Variants in RABGAP1 observed in about 807,000 individuals in gnomAD.
RABGAP1 encodes rab GTPase-activating protein 1.
RABGAP1 carries 23 observed loss-of-function variants against 137.6 expected under a neutral mutation model. That is an observed-to-expected ratio of 0.17 (90% CI 0.12 to 0.24). RABGAP1 has a LOEUF of 0.24. Among genes scored for constraint, RABGAP1 ranks in the 10% least tolerant of loss-of-function variants. RABGAP1 has a pLI of 1.00. For missense variants in RABGAP1, 906 were observed against 1,275.8 expected (o/e 0.71, Z 4.42); for synonymous variants, 451 against 450.7 (o/e 1.00, Z -0.01).
At chr9:122,962,502 CAG>C (rs1834903904) in intron 2 of RABGAP1, among the ~76,000 whole-genome samples, 1 of 151,352 alleles carries the variant, frequency 6.6e-6, no homozygotes, top group African/African-American at 2.4e-5. Flanking sequence ...GCCCAAGTGA[CAG>C]AGTGAGACTC....
At chr9:122,961,003 A>G (rs927829190) in intron 2 of RABGAP1, among the ~76,000 whole-genome samples, 6 of 152,176 alleles carry the variant, frequency 3.9e-5, no homozygotes, top group African/African-American at 1.2e-4. Context: ...CAATGTAGAA[A>G]AAAACAGGCT....
Position 123,070,210 on chromosome 9 carries a change from G to A in RABGAP1, c.1909-140G>A, listed in dbSNP as rs895929427. ...AAGTTAAGATTGGAGAGAAGTATTG[G>A]CACCACTTACTGTCTGTCAAAATGC... is the stretch of plus-strand genomic sequence containing the variant. On this transcript the variant is annotated intron_variant, in intron 14 of 25. Coordinates refer to ENST00000373647, the MANE Select transcript of RABGAP1 (RefSeq NM_012197.4). The surrounding 1 kb of genome is among the most constrained non-coding windows in gnomAD (Gnocchi z 4.4). 7 of 1,431,328 alleles carry A rather than the reference G, an allele frequency of 4.9e-6. No homozygotes were observed. Among genetic ancestry groups the A allele is most frequent in the Non-Finnish European group, 5.5e-6 (6 of 1,081,482 alleles). 88.7% of individuals were successfully genotyped at this position (1,431,328 alleles called of 1,614,324 possible). A position where few individuals can be genotyped will look rare whatever the true frequency, so the allele number is the denominator to read the frequency against.
At position 122,957,092 on chromosome 9, in the gene RABGAP1, T is replaced by C. The variant is rs1480197389; in HGVS notation, c.33T>C (p.Ser11=). The C allele has an allele frequency of 6.5e-6, 10 of 1,530,264 alleles. No individual in the cohort carries two copies. The highest frequency in any genetic ancestry group is 8.0e-6 in the Non-Finnish European group (9 of 1,122,262). 94.8% of individuals were successfully genotyped at this position (1,530,264 alleles called of 1,614,324 possible). A position where few individuals can be genotyped will look rare whatever the true frequency, so the allele number is the denominator to read the frequency against. The change falls in exon 2 of 26, where the codon AGT becomes AGC. Residue 11 remains serine (S), a synonymous_variant. Coordinates refer to ENST00000373647, the MANE Select transcript of RABGAP1 (RefSeq NM_012197.4). ...ACAAGGCTTCTGTTGGAAAAATCAGTGTCTCTTCAGACTCAGTATCTACTC... is the reference window on the plus strand; with the variant it reads ...ACAAGGCTTCTGTTGGAAAAATCAGCGTCTCTTCAGACTCAGTATCTACTC... MDDKASVGKI[S]VSSDSVSTLN...
chr9:122,966,806 G>A (rs1835177886), intron 2 of RABGAP1, among the ~76,000 whole-genome samples: 1 of 152,178 alleles, frequency 6.6e-6, no homozygotes, highest in African/African-American at 2.4e-5. Flanking sequence ...ATCTGGGGAG[G>A]CCTCACAATC....
chr9:122,989,175 A>G, intron 4 of RABGAP1, 122 bp from the exon 5 acceptor site: 3 of 905,460 alleles, frequency 3.3e-6, no homozygotes, highest in Non-Finnish European at 5.1e-6. Context: ...ATTTAAGGTT[A>G]ATATCAGCAT....
At chr9:122,958,898 A>G (rs1438689741) in intron 2 of RABGAP1, among the ~76,000 whole-genome samples, 1 of 152,030 alleles carries the variant, frequency 6.6e-6, no homozygotes, top group African/African-American at 2.4e-5. Flanking sequence ...AGTCCCCACT[A>G]CTTGGGAGGC....
intron 13 of RABGAP1, among the ~76,000 whole-genome samples, 185 bp from the exon 14 acceptor site, chr9:123,065,163 C>T (rs763419733): frequency 2.2e-4 from 34 of 152,142 alleles, no homozygotes; most frequent in South Asian, 6.2e-4. Context: ...CATCTTTTTT[C>T]CCCCTTTACA....
At chr9:122,942,480 T>C (rs1833638819) in intron 1 of RABGAP1, among the ~76,000 whole-genome samples, 1 of 151,834 alleles carries the variant, frequency 6.6e-6, no homozygotes. Context: ...GACCAGCCTG[T>C]CCAATATGGT....
Position 123,089,835 on chromosome 9 carries a change from C to T in RABGAP1, c.2502C>T (p.Pro834=). 1 of 1,613,640 alleles carries T rather than the reference C, an allele frequency of 6.2e-7. No individual in the cohort carries two copies. The highest frequency in any genetic ancestry group is 8.5e-7 in the Non-Finnish European group (1 of 1,179,692). ...MREQQAQQED[P]IERFERENRR... is the part of the protein sequence containing the mutation. ...AACAGCAGGCCCAGCAAGAAGACCC[C>T]ATCGAGCGATTTGAGGTTTGTTTGC... Residue 834 remains proline, a synonymous_variant, in exon 20 of 26, where the codon CCC becomes CCT. Coordinates refer to ENST00000373647, the MANE Select transcript of RABGAP1 (RefSeq NM_012197.4).
chr9:123,075,387 A>T (rs1331405862), intron 17 of RABGAP1, among the ~76,000 whole-genome samples: 2 of 152,208 alleles, frequency 1.3e-5, no homozygotes, highest in Non-Finnish European at 2.9e-5. Flanking sequence ...ATACTTGAAC[A>T]TACACATCTG....
At chr9:123,005,904 G>A (rs563796527) in intron 10 of RABGAP1, among the ~76,000 whole-genome samples, 41 of 152,304 alleles carry the variant, frequency 2.7e-4, no homozygotes, top group African/African-American at 7.2e-4. Context: ...CAGGGTTGTC[G>A]AGTGTGTTGT....
intron 10 of RABGAP1, among the ~76,000 whole-genome samples, chr9:122,999,780 C>G (rs145100935): frequency 2.0e-5 from 3 of 151,068 alleles, no homozygotes; most frequent in Non-Finnish European, 4.4e-5. Flanking sequence ...TTTTTCCTGC[C>G]CATCTCTCTT....
chr9:123,068,739 G>A (rs1319550788), intron 14 of RABGAP1, among the ~76,000 whole-genome samples: 4 of 152,098 alleles, frequency 2.6e-5, no homozygotes, highest in African/African-American at 4.8e-5. Context: ...TGAATTCTAC[G>A]AAAATTTATT....
At chr9:122,974,991 C>G (rs556064348) in intron 2 of RABGAP1, among the ~76,000 whole-genome samples, 1 of 152,282 alleles carries the variant, frequency 6.6e-6, no homozygotes, top group African/African-American at 2.4e-5. Flanking sequence ...TATTTCGTGT[C>G]ATGTATTCTG....
At chr9:123,023,116 C>G in intron 13 of RABGAP1, among the ~76,000 whole-genome samples, 1 of 152,126 alleles carries the variant, frequency 6.6e-6, no homozygotes, top group East Asian at 1.9e-4. Flanking sequence ...CATAAATACC[C>G]TTACTACACC....
intron 25 of RABGAP1, 22 bp downstream of exon 25, chr9:123,101,785 CAT>C: frequency 6.4e-7 from 1 of 1,555,068 alleles, no homozygotes; most frequent in African/African-American, 1.4e-5. Flanking sequence ...AGAGCTCAGA[CAT>C]GTGCCTGCGG....
the RABGAP1 span, among the ~76,000 whole-genome samples, chr9:122,934,086 T>TC: frequency 6.6e-6 from 1 of 150,614 alleles, no homozygotes; most frequent in East Asian, 2.0e-4. Flanking sequence ...CTTTTCTTTT[T>TC]TTTTTTTTTG....
intron 12 of RABGAP1, among the ~76,000 whole-genome samples, chr9:123,017,394 GT>G (rs1490631954): frequency 6.6e-6 from 1 of 152,050 alleles, no homozygotes; most frequent in Non-Finnish European, 1.5e-5. Flanking sequence ...TTCCATCTGT[GT>G]CTGCCATCTT....
Position 123,076,762 on chromosome 9 carries a change from G to T in RABGAP1, c.2424G>T (p.Lys808Asn). The T allele has an allele frequency of 6.4e-7, 1 of 1,568,064 alleles. No individual in the cohort carries two copies. Among genetic ancestry groups the T allele is most frequent in the Non-Finnish European group, 8.6e-7 (1 of 1,157,718 alleles). Residue 808 changes from lysine to asparagine, a missense_variant and splice_region_variant, in exon 19 of 26, where the codon AAG becomes AAT. Physicochemically the swap from Lys to Asn is moderately conservative, Grantham distance 94. Transcript: ENST00000373647. ...TAATGGAATTAGCCTGCAACATGAA[G>T]GTAAAATAATTTTGCATTAGTTAAG... The part of the protein sequence containing the change: ...KKLMELACNM[K>N]ISQKKLKKYE...
Sources: allele counts gnomAD v4.1 joint callset (sites outside exome capture counted in the v4.1 genomes callset), GRCh38; gene constraint gnomAD v4.1.1; non-coding constraint Gnocchi (gnomAD v3.1); transcripts MANE v1.5; gene names NCBI Gene and HGNC (gene_info 2026-07-23, HGNC 2026-07-21).